The following SEMA4F variants were observed in gnomAD, a reference collection of about 807,000 sequenced individuals.
SEMA4F encodes the protein ssemaphorin 4F, also known as semaphorin-4F.
In SEMA4F, 51 loss-of-function variants were observed where a neutral mutation model predicts 78.4. That is an observed-to-expected ratio of 0.65 (90% CI 0.52 to 0.82). The LOEUF (loss-of-function observed/expected upper bound fraction) is 0.82. SEMA4F is among the 40% of genes least tolerant of loss of function. The pLI, the probability that SEMA4F is intolerant of heterozygous loss-of-function variation, is 0.00. For synonymous variants in SEMA4F, 418 were observed against 408.7 expected (o/e 1.02, Z -0.27); for missense variants, 938 against 1,014.4 (o/e 0.92, Z 1.02).
rs770084878 is a variant in SEMA4F at position 74,679,871 on chromosome 2, G to T, written c.1975G>T (p.Val659Leu). 1 of 1,614,254 alleles carries T rather than the reference G, an allele frequency of 6.2e-7. No homozygotes were observed. Among genetic ancestry groups the T allele is most frequent in the South Asian group, 1.1e-5 (1 of 91,090 alleles). ...QRDAPSRAHT[V>L]GAGLAGFFLG... ...AGATGCTCCGAGCCGGGCCCACACAGTGGGGGCGGGACTGGCTGGCTTCTT... is the reference window on the plus strand; with the variant it reads ...AGATGCTCCGAGCCGGGCCCACACATTGGGGGCGGGACTGGCTGGCTTCTT... The change falls in exon 14 of 14, where the codon GTG becomes TTG. Residue 659 changes from valine to leucine, a missense_variant. Val to Leu is a conservative substitution (Grantham distance 32). Transcript: ENST00000357877.
the SEMA4F span, among the ~76,000 whole-genome samples, chr2:74,701,940 A>T: frequency 6.6e-6 from 1 of 152,188 alleles, no homozygotes; most frequent in East Asian, 1.9e-4. Flanking sequence ...AGCAATTGCA[A>T]TTGATCACAC....
chr2:74,666,682 A>G (rs1012614751), intron 5 of SEMA4F, among the ~76,000 whole-genome samples: 2 of 152,214 alleles, frequency 1.3e-5, no homozygotes, highest in Non-Finnish European at 2.9e-5. Flanking sequence ...ATGATTCATT[A>G]TGCCTTGCTT....
At chr2:74,676,187 A>G (rs1306055260) in intron 12 of SEMA4F, among the ~76,000 whole-genome samples, 1 of 152,190 alleles carries the variant, frequency 6.6e-6, no homozygotes, top group African/African-American at 2.4e-5. Flanking sequence ...TCATCTTACA[A>G]GAGCTCTTGG....
At chr2:74,699,989 CT>C in the SEMA4F span, among the ~76,000 whole-genome samples, 4 of 151,950 alleles carry the variant, frequency 2.6e-5, no homozygotes, top group African/African-American at 9.7e-5. Flanking sequence ...GAGACCCGAG[CT>C]TGTTTCAATG....
intron 5 of SEMA4F, among the ~76,000 whole-genome samples, chr2:74,670,124 A>T (rs1205610819): frequency 1.3e-5 from 2 of 152,194 alleles, no homozygotes; most frequent in Non-Finnish European, 2.9e-5. Flanking sequence ...TGATCCATTC[A>T]GCAATAATTT....
At chr2:74,693,621 C>T in the SEMA4F span, among the ~76,000 whole-genome samples, 1 of 152,170 alleles carries the variant, frequency 6.6e-6, no homozygotes, top group Non-Finnish European at 1.5e-5. Context: ...GCTGAAGCCA[C>T]GTTGGTTCCT....
At chr2:74,697,404 G>A in the SEMA4F span, among the ~76,000 whole-genome samples, 1 of 152,160 alleles carries the variant, frequency 6.6e-6, no homozygotes, top group Admixed American at 6.5e-5. Context: ...TGAATGTTGG[G>A]CAATCAGGTG....
chr2:74,675,461 TAGGTCTG>T, intron 10 of SEMA4F, 57 bp from the exon 11 acceptor site: 1 of 1,590,248 alleles, frequency 6.3e-7, no homozygotes, highest in Non-Finnish European at 8.6e-7. Context: ...GTAATACATA[TAGGTCTG>T]AGTCCCAGGC....
intron 5 of SEMA4F, among the ~76,000 whole-genome samples, chr2:74,663,656 G>A (rs1311992114): frequency 6.6e-6 from 1 of 152,124 alleles, no homozygotes; most frequent in East Asian, 1.9e-4. Context: ...GAGAGAGAGG[G>A]AGGAGGTGCT....
chr2:74,656,707 G>T lies in SEMA4F; in HGVS notation c.297+22G>T, dbSNP rs1390738839. On this transcript the variant is annotated intron_variant, in intron 2 of 13. Transcript: ENST00000357877. ...CAGGGTGAGAGACAAGAGAGGGAAG[G>T]ACCCCTGACCCTGTAGCATGTGATT... The T allele has an allele frequency of 3.7e-6, 6 of 1,612,360 alleles. No homozygotes were observed. The South Asian group carries it at 5.5e-5, about 15-fold the overall frequency.
chr2:74,707,217 A>G, the SEMA4F span, among the ~76,000 whole-genome samples: 1 of 152,312 alleles, frequency 6.6e-6, no homozygotes, highest in South Asian at 2.1e-4. Flanking sequence ...AAATTTGTTA[A>G]TTATACTGTA....
chr2:74,686,385 C>T (rs1258484279), downstream of SEMA4F, among the ~76,000 whole-genome samples: 1 of 152,220 alleles, frequency 6.6e-6, no homozygotes, highest in African/African-American at 2.4e-5. Context: ...AGGCGTGAGC[C>T]ACCATGCCCG....
In SEMA4F at chr2:74,654,580, C is replaced by T. The variant is rs192153668; in HGVS notation, c.145+59C>T. 7.1e-4 allele frequency: 1,009 copies of T among 1,419,124 alleles called. 8 individuals are homozygous for T. The African/African-American group carries it at 0.014, about 19-fold the overall frequency. 87.9% of individuals were successfully genotyped at this position (1,419,124 alleles called of 1,614,324 possible). Reference sequence around the variant, plus strand: ...GCGCCCACACCCACACCCACACCCACCTGCTCCTCAGACCGCTCGGCCGGA... The same window carrying T: ...GCGCCCACACCCACACCCACACCCATCTGCTCCTCAGACCGCTCGGCCGGA... On this transcript the variant is annotated intron_variant, in intron 1 of 13. Coordinates refer to ENST00000357877, the MANE Select transcript of SEMA4F (RefSeq NM_004263.5).
At chr2:74,709,309 G>A in the SEMA4F span, among the ~76,000 whole-genome samples, 1 of 152,178 alleles carries the variant, frequency 6.6e-6, no homozygotes, top group Admixed American at 6.5e-5. Context: ...CCAGAGGGAG[G>A]CATCACACAT....
chr2:74,679,001 C>G (rs1685433235), intron 12 of SEMA4F, among the ~76,000 whole-genome samples: 1 of 152,136 alleles, frequency 6.6e-6, no homozygotes, highest in Non-Finnish European at 1.5e-5. Context: ...TTAAAGCACC[C>G]CCACTAAACA....
At chr2:74,705,895 G>A in the SEMA4F span, among the ~76,000 whole-genome samples, 1 of 152,098 alleles carries the variant, frequency 6.6e-6, no homozygotes, top group South Asian at 2.1e-4. Context: ...AGTTTCAAAA[G>A]ATATGTATCA....
intron 13 of SEMA4F, 132 bp from the exon 14 acceptor site, chr2:74,679,467 C>A: frequency 2.7e-6 from 4 of 1,481,380 alleles, no homozygotes; most frequent in Non-Finnish European, 3.7e-6. Context: ...CGGGCCTTAG[C>A]CTCTTTAGGA....
Position 74,656,530 on chromosome 2 carries a change from C to T in SEMA4F, c.146-4C>T, listed in dbSNP as rs1277142723. 1 of 1,612,928 alleles carries T rather than the reference C, an allele frequency of 6.2e-7. No individual in the cohort carries two copies. Among genetic ancestry groups the T allele is most frequent in the South Asian group, 1.1e-5 (1 of 90,964 alleles). ...CTAACATCACTCTCCTCTCTTCCTG[C>T]CAGAGGCTGACTCCTGTCTCACCCG... On this transcript the variant is annotated splice_polypyrimidine_tract_variant and splice_region_variant and intron_variant, in intron 1 of 13. Coordinates refer to ENST00000357877, the MANE Select transcript of SEMA4F (RefSeq NM_004263.5).
chr2:74,669,472 C>T (rs566648899), intron 5 of SEMA4F, among the ~76,000 whole-genome samples: 1 of 152,076 alleles, frequency 6.6e-6, no homozygotes, highest in South Asian at 2.1e-4. Flanking sequence ...GTAATCCCAG[C>T]TACTTGGGAG....
Sources: gnomAD v4.1 joint callset for allele counts (sites outside exome capture counted in the v4.1 genomes callset) on GRCh38, gnomAD v4.1.1 for gene constraint, MANE v1.5 for transcripts, NCBI Gene and HGNC (gene_info 2026-07-23, HGNC 2026-07-21) for gene names.